Variants in CC2D1A observed in about 807,000 individuals in gnomAD.
The protein encoded by CC2D1A is coiled-coil and C2 domain containing 1A.
Under a neutral mutation model 123.8 loss-of-function variants are expected in CC2D1A, and 68 were observed. That is an observed-to-expected ratio of 0.55 (90% CI 0.45 to 0.67). CC2D1A has a LOEUF of 0.67. Among genes scored for constraint, CC2D1A ranks in the 30% least tolerant of loss-of-function variants. The probability of loss-of-function intolerance (pLI) is 0.00; values close to 1 mark genes in which losing one functional copy is unlikely to be tolerated. For synonymous variants in CC2D1A, 477 were observed against 528.0 expected (o/e 0.90, Z 1.32); for missense variants, 1,185 against 1,290.3 (o/e 0.92, Z 1.25).
Position 13,919,973 on chromosome 19 carries a change from G to A in CC2D1A, c.1356+22G>A, listed in dbSNP as rs144901383. The A allele has an allele frequency of 2.6e-5, 41 of 1,600,184 alleles. No individual in the cohort carries two copies. In the East Asian group the frequency reaches 3.2e-4, roughly 12 times the overall value. ...GAAGGTTTGAGGGTTGGGGCCGGGCGCAGTGGCTCACACCTGTAGTCCCAG... is the reference window on the plus strand; with the variant it reads ...GAAGGTTTGAGGGTTGGGGCCGGGCACAGTGGCTCACACCTGTAGTCCCAG... On this transcript the variant is annotated intron_variant, in intron 12 of 28. Coordinates refer to ENST00000318003, the MANE Select transcript of CC2D1A (RefSeq NM_017721.5).
chr19:13,925,699 CA>C (rs1971567607), intron 17 of CC2D1A, among the ~76,000 whole-genome samples: 1 of 151,362 alleles, frequency 6.6e-6, no homozygotes. Context: ...GCAGGCGGAT[CA>C]TTTGAGGTCG....
Position 13,906,302 on chromosome 19 carries a change from G to A in CC2D1A, c.-140G>A. The A allele has an allele frequency of 1.7e-6, 1 of 597,008 alleles. No homozygotes were observed. Among genetic ancestry groups the A allele is most frequent in the Non-Finnish European group, 2.6e-6 (1 of 383,368 alleles). The allele number at this position is 597,008 out of a possible 1,614,324, so 37.0% of individuals were successfully genotyped here. The stretch of plus-strand genomic sequence containing the variant: ...GTGGGACGGCCAAGCAGGGAAGCGA[G>A]GGCTCGGGATCGACGGCCGCGGGGC... On this transcript the variant is annotated 5_prime_UTR_variant, in exon 1 of 29. Transcript: ENST00000318003. The surrounding 1 kb of genome is among the most constrained non-coding windows in gnomAD (Gnocchi z 4.1).
rs368632032 is a variant in CC2D1A, at chr19:13,927,060, C to T, written c.2208C>T (p.Phe736=). The change falls in exon 21 of 29, where the codon TTC becomes TTT. Residue 736 remains phenylalanine, a synonymous_variant. Coordinates refer to ENST00000318003, the MANE Select transcript of CC2D1A (RefSeq NM_017721.5). The part of the protein sequence containing the change: ...RRAIQTKGIK[F]EVVHKGGLFK... The stretch of plus-strand genomic sequence containing the variant: ...CCATCCAGACCAAGGGCATCAAGTT[C>T]GAAGTGGTTCACAAGGGGTGAGCTA... The T allele has an allele frequency of 2.0e-5, 32 of 1,613,940 alleles. No individual in the cohort carries two copies. The highest frequency in any genetic ancestry group is 1.6e-4 in the African/African-American group (12 of 74,904).
chr19:13,928,330 A>T, intron 24 of CC2D1A, 142 bp downstream of exon 24: 1 of 711,432 alleles, frequency 1.4e-6, no homozygotes. Flanking sequence ...TTCCCAGAGG[A>T]TCCAGTTTAA....
At position 13,919,020 on chromosome 19, in the gene CC2D1A, G is replaced by C; in HGVS notation, c.1127G>C (p.Arg376Pro). Residue 376 changes from arginine to proline, a missense_variant, in exon 10 of 29, where the codon CGA becomes CCA. Arg to Pro is a moderately radical substitution (Grantham distance 103). Coordinates refer to ENST00000318003, the MANE Select transcript of CC2D1A (RefSeq NM_017721.5). ...AKSKGDQRKA[R>P]MHERIVKQYQ... ...AGCAAGGGGGACCAGCGGAAAGCTC[G>C]AATGCACGAGCGCATCGTCAAGGTG... The C allele has an allele frequency of 6.2e-7, 1 of 1,607,882 alleles. No homozygotes were observed.
chr19:13,926,597 G>A lies in CC2D1A; in HGVS notation c.2014+7G>A, dbSNP rs1971649565. 6.2e-7 allele frequency: 1 copy of A among 1,614,056 alleles called. No individual in the cohort carries two copies. Among genetic ancestry groups the A allele is most frequent in the East Asian group, 2.2e-5 (1 of 44,878 alleles). On this transcript the variant is annotated splice_region_variant and intron_variant, in intron 18 of 28. Coordinates refer to ENST00000318003, the MANE Select transcript of CC2D1A (RefSeq NM_017721.5). ...AACTTGCCCACACCCCCAGGTGAGG[G>A]GGCTGTAGGCAAGGGTCAGGGTCAT...
In CC2D1A at chr19:13,923,407, C is replaced by G. The variant is rs375199593; in HGVS notation, c.1716C>G (p.Ala572=). Residue 572 remains alanine (A), a synonymous_variant, in exon 15 of 29, where the codon GCC becomes GCG. Coordinates refer to ENST00000318003, the MANE Select transcript of CC2D1A (RefSeq NM_017721.5). The surrounding 1 kb of genome is among the most constrained non-coding windows in gnomAD (Gnocchi z 5.3). ...QRPGPGLSQE[A]ARRYGELTKL... is the part of the protein sequence containing the mutation. ...CTGGCCCGGGTCTGTCTCAGGAGGCCGCCCGGCGCTATGGTGAACTCACCA... is the reference window on the plus strand; with the variant it reads ...CTGGCCCGGGTCTGTCTCAGGAGGCGGCCCGGCGCTATGGTGAACTCACCA... The G allele has an allele frequency of 1.9e-6, 3 of 1,613,420 alleles. No homozygotes were observed. The highest frequency in any genetic ancestry group is 1.7e-6 in the Non-Finnish European group (2 of 1,180,030).
chr19:13,927,973 G>A lies in CC2D1A; in HGVS notation c.2397G>A (p.Leu799=). The change falls in exon 23 of 29, where the codon TTG becomes TTA. Residue 799 remains leucine, a synonymous_variant. Transcript: ENST00000318003. ...RIREPLTAQQ[L]ETTTERWLVI... The stretch of plus-strand genomic sequence containing the variant: ...GGGAGCCACTGACAGCCCAGCAGTT[G>A]GAGACGACGACAGAGAGGTGGCTGG... 1 of 1,613,786 alleles carries A rather than the reference G, an allele frequency of 6.2e-7. No homozygotes were observed. Among genetic ancestry groups the A allele is most frequent in the South Asian group, 1.1e-5 (1 of 91,082 alleles).
chr19:13,917,981 A>C (rs967959715), intron 6 of CC2D1A, 89 bp from the exon 7 acceptor site: 2 of 1,437,574 alleles, frequency 1.4e-6, no homozygotes, highest in African/African-American at 1.5e-5. Flanking sequence ...AAAAAGAAAA[A>C]AAAAATTAAA....
intron 6 of CC2D1A, among the ~76,000 whole-genome samples, chr19:13,914,462 G>A (rs1971129186): frequency 6.6e-6 from 1 of 151,388 alleles, no homozygotes; most frequent in African/African-American, 2.4e-5. Context: ...AGCCTCCTGA[G>A]TAGCTGGCAT....
chr19:13,918,022 A>G, intron 6 of CC2D1A, 48 bp from the exon 7 acceptor site: 4 of 1,598,166 alleles, frequency 2.5e-6, no homozygotes, highest in Non-Finnish European at 3.4e-6. Context: ...TACACGGTGA[A>G]CTTGGCCCAG....
chr19:13,918,217 G>A, intron 7 of CC2D1A, 23 bp downstream of exon 7: 5 of 1,531,900 alleles, frequency 3.3e-6, no homozygotes, highest in Non-Finnish European at 4.4e-6. Flanking sequence ...TGACGGACAG[G>A]ACTGGAGGGA....
At chr19:13,918,322 G>A (rs1971278419) in intron 7 of CC2D1A, 128 bp downstream of exon 7, 3 of 1,254,972 alleles carry the variant, frequency 2.4e-6, no homozygotes, top group East Asian at 2.6e-5. Context: ...TGTAAGTCTT[G>A]GAGCCTCAGT....
At position 13,925,352 on chromosome 19, in the gene CC2D1A, G is replaced by T. The variant is rs543627023; in HGVS notation, c.1941-1165G>T. Among the ~76,000 whole-genome samples, 6 of 152,196 alleles carry T rather than the reference G, an allele frequency of 3.9e-5. No individual in the cohort carries two copies. The South Asian group carries it at 1.2e-3, about 32-fold the overall frequency. ...TCCCAGCACTTTGGGAGGCTGAGGT[G>T]GGTGGATCACGAGGTCAGGAGATCG... On this transcript the variant is annotated intron_variant, in intron 17 of 28. Coordinates refer to ENST00000318003, the MANE Select transcript of CC2D1A (RefSeq NM_017721.5).
rs867960381 is a variant in CC2D1A at position 13,920,765 on chromosome 19, C to T, written c.1484C>T (p.Ala495Val). The T allele has an allele frequency of 1.2e-6, 2 of 1,613,290 alleles. No homozygotes were observed. The highest frequency in any genetic ancestry group is 1.7e-5 in the Admixed American group (1 of 59,930). The change falls in exon 14 of 29, where the codon GCC becomes GTC. Residue 495 changes from alanine to valine, a missense_variant. Ala to Val is a moderately conservative substitution (Grantham distance 64). Transcript: ENST00000318003. ...ATGCCCACAGCCCAGCAGCAGCTGG[C>T]CTTCCTAGAGGGCCGCAAGAAGCAG... ...ATSTRAQQQLAFLEGRKKQLL... is the reference protein window; with the variant it reads ...ATSTRAQQQLVFLEGRKKQLL...
intron 17 of CC2D1A, among the ~76,000 whole-genome samples, chr19:13,925,963 CGT>C (rs1491537771): frequency 1.9e-4 from 16 of 82,808 alleles, no homozygotes; most frequent in Non-Finnish European, 3.2e-4. Flanking sequence ...TATATATACA[CGT>C]ATATATATGT....
rs1971871669 is a variant in CC2D1A, at chr19:13,930,527, C to T, written c.*132C>T. 5.7e-6 allele frequency: 6 copies of T among 1,054,932 alleles called. No individual in the cohort carries two copies. Among genetic ancestry groups the T allele is most frequent in the East Asian group, 2.6e-5 (1 of 38,326 alleles). 65.3% of individuals were successfully genotyped at this position (1,054,932 alleles called of 1,614,324 possible). On this transcript the variant is annotated 3_prime_UTR_variant, in exon 29 of 29. Transcript: ENST00000318003. The surrounding 1 kb of genome is among the most constrained non-coding windows in gnomAD (Gnocchi z 6.8). ...GTTCTGGACTCACCCCTCATCCGGG[C>T]CCCCAGCCCCGCCAGAGCCTCCGTG...
Position 13,919,118 on chromosome 19 carries a change from T to C in CC2D1A, c.1150-12T>C. The C allele has an allele frequency of 6.2e-7, 1 of 1,611,048 alleles. No homozygotes were observed. The highest frequency in any genetic ancestry group is 8.5e-7 in the Non-Finnish European group (1 of 1,178,338). On this transcript the variant is annotated splice_polypyrimidine_tract_variant and intron_variant, in intron 10 of 28. Coordinates refer to ENST00000318003, the MANE Select transcript of CC2D1A (RefSeq NM_017721.5). ...CTCCCACAGGCAGCCCTAACACCTG[T>C]GGCCCTCGCAGCAATACCAAGATGC...
chr19:13,914,626 G>C (rs1056855796), intron 6 of CC2D1A, among the ~76,000 whole-genome samples: 1 of 149,042 alleles, frequency 6.7e-6, no homozygotes, highest in South Asian at 2.1e-4. Flanking sequence ...GAGCCACCAC[G>C]CCAGGCCTCA....
Sources: allele counts gnomAD v4.1 joint callset (sites outside exome capture counted in the v4.1 genomes callset), GRCh38; gene constraint gnomAD v4.1.1; non-coding constraint Gnocchi (gnomAD v3.1); transcripts MANE v1.5; gene names NCBI Gene and HGNC (gene_info 2026-07-23, HGNC 2026-07-21).